KMT2A: variants seen among roughly 807,000 people sequenced by gnomAD.
KMT2A encodes histone-lysine N-methyltransferase 2A.
A neutral mutation model predicts 345.3 loss-of-function variants in KMT2A; 16 were observed. That is an observed-to-expected ratio of 0.05 (90% CI 0.03 to 0.07). KMT2A has a LOEUF of 0.07. Among genes scored for constraint, KMT2A ranks in the 10% least tolerant of loss-of-function variants. KMT2A has a pLI of 1.00. For synonymous variants in KMT2A, 1,599 were observed against 1,778.6 expected, an observed-to-expected ratio of 0.90 and a Z score of 2.54; for missense variants, 3,272 against 4,841.6, an observed-to-expected ratio of 0.68 and a Z score of 9.62.
At chr11:118,478,234 T>A in intron 5 of KMT2A, 33 bp downstream of exon 5, 1 of 1,527,148 alleles carries the variant, frequency 6.5e-7, no homozygotes, top group Non-Finnish European at 9.0e-7. Flanking sequence ...GATGTTGACC[T>A]CTCAACCATA....
chr11:118,454,723 C>T (rs1367637106), intron 1 of KMT2A, among the ~76,000 whole-genome samples: 2 of 152,114 alleles, frequency 1.3e-5, no homozygotes, highest in Non-Finnish European at 2.9e-5. Context: ...GACTGTCTGT[C>T]CATTAACAAC....
rs1950532469 is a variant in KMT2A, at chr11:118,503,375, C to T, written c.7483C>T (p.Leu2495Phe). The change falls in exon 27 of 36, where the codon CTT becomes TTT. Residue 2495 changes from leucine (L) to phenylalanine (F), a missense_variant. Coordinates refer to ENST00000534358, the MANE Select transcript of KMT2A (RefSeq NM_001197104.2). The surrounding 1 kb of genome is among the most constrained non-coding windows in gnomAD (Gnocchi z 5.3). ...TTCTGATAAGATTGGTGATAAAGGC[C>T]TTTCTATGCCAGGAGTCCCCAAAGC... ...VSSDKIGDKG[L>F]SMPGVPKAPP... 6.2e-7 allele frequency: 1 copy of T among 1,614,102 alleles called. No homozygotes were observed. The highest frequency in any genetic ancestry group is 8.5e-7 in the Non-Finnish European group (1 of 1,180,020).
At position 118,502,982 on chromosome 11, in the gene KMT2A, T is replaced by C; in HGVS notation, c.7090T>C (p.Ser2364Pro). 6.2e-7 allele frequency: 1 copy of C among 1,614,132 alleles called. No homozygotes were observed. Residue 2364 changes from serine to proline, a missense_variant, in exon 27 of 36, where the codon TCT becomes CCT. Ser to Pro is a moderately conservative substitution (Grantham distance 74, BLOSUM62 -1). Around this residue, in one of 27 missense-constraint regions of KMT2A, gnomAD observed 445 missense variants for 500.9 expected, o/e 0.89. Coordinates refer to ENST00000534358, the MANE Select transcript of KMT2A (RefSeq NM_001197104.2). The surrounding 1 kb of genome is among the most constrained non-coding windows in gnomAD (Gnocchi z 4.9). ...FAEPSSVSFS[S>P]KEALSFPHLH... is the part of the protein sequence containing the mutation. ...TGAACCCTCTTCAGTGTCGTTTTCTTCTAAAGAGGCCCTCTCCTTCCCACA... is the reference window on the plus strand; with the variant it reads ...TGAACCCTCTTCAGTGTCGTTTTCTCCTAAAGAGGCCCTCTCCTTCCCACA...
Position 118,472,870 on chromosome 11 carries a change from C to G in KMT2A, c.1711C>G (p.Pro571Ala). ...TCCACCTCTGCTGACTCCACCGCCA[C>G]CACTGCAGCCAGCCTCCAGTATCTC... is the stretch of plus-strand genomic sequence containing the variant. ...PPPPLLTPPP[P>A]LQPASSISDH... Residue 571 changes from proline (P) to alanine (A), a missense_variant, in exon 3 of 36, where the codon CCA becomes GCA. Pro to Ala is a conservative substitution (Grantham distance 27). This residue lies in a region of KMT2A where 180 missense variants were observed against 190.7 expected (regional missense o/e 0.94). Transcript: ENST00000534358. The G allele has an allele frequency of 6.2e-7, 1 of 1,614,080 alleles. No homozygotes were observed. Among genetic ancestry groups the G allele is most frequent in the Non-Finnish European group, 8.5e-7 (1 of 1,179,980 alleles).
At position 118,504,756 on chromosome 11, in the gene KMT2A, T is replaced by A. The variant is rs782270841; in HGVS notation, c.8864T>A (p.Ile2955Asn). ...PSQNPSRLAV[I>N]SDSGEKRVTI... Reference sequence around the variant, plus strand: ...CAGAATCCCAGTAGACTAGCTGTTATCTCAGACTCAGGGGAGAAGAGAGTA... The same window carrying A: ...CAGAATCCCAGTAGACTAGCTGTTAACTCAGACTCAGGGGAGAAGAGAGTA... Residue 2955 changes from isoleucine to asparagine, a missense_variant, in exon 27 of 36, where the codon ATC (isoleucine) becomes AAC (asparagine). Coordinates refer to ENST00000534358, the MANE Select transcript of KMT2A (RefSeq NM_001197104.2). This position sits in a 1 kb window ranked among gnomAD's most constrained non-coding sequence, Gnocchi z 6.4. The A allele has an allele frequency of 6.2e-7, 1 of 1,614,116 alleles. No individual in the cohort carries two copies. Among genetic ancestry groups the A allele is most frequent in the East Asian group, 2.2e-5 (1 of 44,882 alleles).
At position 118,474,154 on chromosome 11, in the gene KMT2A, G is replaced by A. The variant is rs2134272956; in HGVS notation, c.2995G>A (p.Val999Ile). The part of the protein sequence containing the change: ...LCLSTPSSST[V>I]KHSTSSIGSM... ...CCTTTCCACTCCTTCATCTAGCACT[G>A]TTAAACATTCCACTTCCTCCATAGG... is the stretch of plus-strand genomic sequence containing the variant. The change falls in exon 3 of 36, where the codon GTT (valine) becomes ATT (isoleucine). Residue 999 changes from valine to isoleucine, a missense_variant. Transcript: ENST00000534358. 6.2e-7 allele frequency: 1 copy of A among 1,614,178 alleles called. No individual in the cohort carries two copies. The highest frequency in any genetic ancestry group is 8.5e-7 in the Non-Finnish European group (1 of 1,180,034).
chr11:118,511,520 T>C (rs1250148779), intron 30 of KMT2A, among the ~76,000 whole-genome samples: 2 of 152,204 alleles, frequency 1.3e-5, no homozygotes, highest in African/African-American at 2.4e-5. Flanking sequence ...ATTTTCTAGT[T>C]CTGCCTCTTA....
intron 1 of KMT2A, among the ~76,000 whole-genome samples, chr11:118,441,337 A>C (rs1294390604): frequency 6.6e-6 from 1 of 152,126 alleles, no homozygotes; most frequent in African/African-American, 2.4e-5. Flanking sequence ...AGGAGGAGAA[A>C]TTTCAACTTG....
intron 10 of KMT2A, among the ~76,000 whole-genome samples, chr11:118,486,606 C>T (rs772195191): frequency 5.9e-5 from 9 of 152,110 alleles, no homozygotes; most frequent in Non-Finnish European, 1.0e-4. Context: ...GGTGCAGTGG[C>T]TCACGCCTGT....
At position 118,436,729 on chromosome 11, in the gene KMT2A, G is replaced by T. The variant is rs1449634504; in HGVS notation, c.217G>T (p.Gly73Trp). Residue 73 changes from glycine to tryptophan, a missense_variant, in exon 1 of 36, where the codon GGG (glycine) becomes TGG (tryptophan). Physicochemically the swap from Gly to Trp is radical, Grantham distance 184 (BLOSUM62 -2). Coordinates refer to ENST00000534358, the MANE Select transcript of KMT2A (RefSeq NM_001197104.2). This position sits in a 1 kb window ranked among gnomAD's most constrained non-coding sequence, Gnocchi z 6.9. ...GGCGGCGGCGGGAAGCAGCGGGGCT[G>T]GGGTTCCAGGGGGAGCGGCCGCCGC... is the stretch of plus-strand genomic sequence containing the variant. ...AAAAAGSSGAGVPGGAAAASA... is the reference protein window; with the variant it reads ...AAAAAGSSGAWVPGGAAAASA... 2 of 1,527,438 alleles carry T rather than the reference G, an allele frequency of 1.3e-6. No homozygotes were observed. Among genetic ancestry groups the T allele is most frequent in the Non-Finnish European group, 8.8e-7 (1 of 1,134,578 alleles). The allele number at this position is 1,527,438 out of a possible 1,614,324, so 94.6% of individuals were successfully genotyped here. A position where few individuals can be genotyped will look rare whatever the true frequency, so the allele number is the denominator to read the frequency against.
intron 1 of KMT2A, among the ~76,000 whole-genome samples, chr11:118,457,027 C>A (rs895677171): frequency 2.0e-5 from 3 of 152,106 alleles, no homozygotes; most frequent in Non-Finnish European, 4.4e-5. Flanking sequence ...AGGATCTGTC[C>A]TTTTCCCCTT....
At position 118,476,754 on chromosome 11, in the gene KMT2A, A is replaced by G; in HGVS notation, c.3157-51A>G. 4 of 1,503,926 alleles carry G rather than the reference A, an allele frequency of 2.7e-6. No homozygotes were observed. The highest frequency in any genetic ancestry group is 3.6e-6 in the Non-Finnish European group (4 of 1,099,424). 93.2% of individuals were successfully genotyped at this position (1,503,926 alleles called of 1,614,324 possible). On this transcript the variant is annotated intron_variant, in intron 3 of 35. Coordinates refer to ENST00000534358, the MANE Select transcript of KMT2A (RefSeq NM_001197104.2). The surrounding 1 kb of genome is among the most constrained non-coding windows in gnomAD (Gnocchi z 4.1). ...AAGTATACCTTGGCTTCGTTCAGTT[A>G]TAATTTCAACATGTATGGTTGTTAT...
chr11:118,502,912 CACA>C lies in KMT2A; in HGVS notation c.7024_7026del (p.Thr2342del), dbSNP rs782476419. ...CTAAACTGGCCCCACAGGTTCATAA[CACA>C]ACATCTAGAGAACTGAATGTTAGTA... On this transcript the variant is annotated inframe_deletion, in exon 27 of 36. Transcript: ENST00000534358. This position sits in a 1 kb window ranked among gnomAD's most constrained non-coding sequence, Gnocchi z 4.9. 1.6e-5 allele frequency: 26 copies of C among 1,614,064 alleles called. No individual in the cohort carries two copies. The African/African-American group carries it at 2.9e-4, about 18-fold the overall frequency.
rs781975229 is a variant in KMT2A at position 118,477,962 on chromosome 11, A to G, written c.3335-5A>G. 8.1e-6 allele frequency: 13 copies of G among 1,612,914 alleles called. No homozygotes were observed. In the East Asian group the frequency reaches 1.6e-4, roughly 19 times the overall value. ...CTTGGAACTAATGCCACATTTCTTTAACAGACAAGTCATCAATTGCTGGCT... is the reference window on the plus strand; with the variant it reads ...CTTGGAACTAATGCCACATTTCTTTGACAGACAAGTCATCAATTGCTGGCT... On this transcript the variant is annotated splice_region_variant and splice_polypyrimidine_tract_variant and intron_variant, in intron 4 of 35. Transcript: ENST00000534358.
intron 31 of KMT2A, chr11:118,512,441 C>T (rs1950708924): frequency 1.1e-5 from 2 of 178,888 alleles, no homozygotes; most frequent in African/African-American, 4.8e-5. Flanking sequence ...AGGTTCTTCC[C>T]TTCTGTTACA....
In KMT2A at chr11:118,498,581, G is replaced by A; in HGVS notation, c.5961+53G>A. The A allele has an allele frequency of 6.5e-7, 1 of 1,528,940 alleles. No individual in the cohort carries two copies. 94.7% of individuals were successfully genotyped at this position (1,528,940 alleles called of 1,614,324 possible). On this transcript the variant is annotated intron_variant, in intron 22 of 35. Transcript: ENST00000534358. This position sits in a 1 kb window ranked among gnomAD's most constrained non-coding sequence, Gnocchi z 4.4. ...AAAAAAAAAAGACTTTTTTAGAGCA[G>A]TTTTAGGTTCACAGCAAAATTGACT...
Position 118,491,882 on chromosome 11 carries a change from C to T in KMT2A, c.4958C>T (p.Ala1653Val), listed in dbSNP as rs2134341404. ...LQISLKQVLTALLNSRTTSHL... is the reference protein window; with the variant it reads ...LQISLKQVLTVLLNSRTTSHL... ...ATTTCTCTGAAGCAAGTTCTGACAG[C>T]TTTGTTGAATTCTCGGACTACCAGC... Residue 1653 changes from alanine (A) to valine (V), a missense_variant, in exon 15 of 36, where the codon GCT becomes GTT. Transcript: ENST00000534358. The surrounding 1 kb of genome is among the most constrained non-coding windows in gnomAD (Gnocchi z 4.2). 6.2e-7 allele frequency: 1 copy of T among 1,613,970 alleles called. No individual in the cohort carries two copies. The highest frequency in any genetic ancestry group is 8.5e-7 in the Non-Finnish European group (1 of 1,180,022).
Position 118,506,133 on chromosome 11 carries a change from C to T in KMT2A, c.10241C>T (p.Thr3414Ile), listed in dbSNP as rs2134411123. 3 of 1,614,182 alleles carry T rather than the reference C, an allele frequency of 1.9e-6. No homozygotes were observed. Among genetic ancestry groups the T allele is most frequent in the Non-Finnish European group, 8.5e-7 (1 of 1,180,042 alleles). Residue 3414 changes from threonine to isoleucine, a missense_variant, in exon 27 of 36, where the codon ACA becomes ATA. Transcript: ENST00000534358. Reference protein sequence around the residue: ...PSSGMFPQLGTSQTPSTAAIT... With the variant: ...PSSGMFPQLGISQTPSTAAIT... The stretch of plus-strand genomic sequence containing the variant: ...TCAGGAATGTTTCCACAACTGGGGA[C>T]ATCACAGACCCCCTCTACTGCTGCA...
At chr11:118,485,017 T>C (rs1565289397) in intron 10 of KMT2A, 42 bp downstream of exon 10, 3 of 1,219,974 alleles carry the variant, frequency 2.5e-6, no homozygotes, top group Non-Finnish European at 2.4e-6. Flanking sequence ...AGTACATAAA[T>C]TATTTTTCTG....
Sources: gnomAD v4.1 joint callset for allele counts (sites outside exome capture counted in the v4.1 genomes callset) on GRCh38, gnomAD v4.1.1 for gene constraint, gnomAD v4.1.1 regional missense constraint, Gnocchi (gnomAD v3.1) non-coding constraint, MANE v1.5 for transcripts, NCBI Gene and HGNC (gene_info 2026-07-23, HGNC 2026-07-21) for gene names.